CCNB1IP1: variants seen among roughly 807,000 people sequenced by gnomAD.
CCNB1IP1 encodes the protein E3 ubiquitin-protein ligase CCNB1IP1.
A neutral mutation model predicts 25.6 loss-of-function variants in CCNB1IP1; 14 were observed. The ratio of observed to expected loss-of-function variants is 0.55; its 90% CI spans 0.36 to 0.85. The LOEUF is 0.85. Among genes scored for constraint, CCNB1IP1 ranks in the 40% least tolerant of loss-of-function variants. The probability of loss-of-function intolerance (pLI) is 0.01; values close to 1 mark genes in which losing one functional copy is unlikely to be tolerated. For synonymous variants in CCNB1IP1, 119 were observed against 116.1 expected, an observed-to-expected ratio of 1.02 and a Z score of -0.16; for missense variants, 278 against 342.4, an observed-to-expected ratio of 0.81 and a Z score of 1.48.
intron 3 of CCNB1IP1, among the ~76,000 whole-genome samples, chr14:20,325,895 C>T (rs200380661): frequency 1.6e-4 from 24 of 152,160 alleles, no homozygotes; most frequent in Admixed American, 1.4e-3. Context: ...GAACCCAATT[C>T]TAGAGAAAAT....
intron 4 of CCNB1IP1, among the ~76,000 whole-genome samples, chr14:20,317,257 T>G (rs1425762574): frequency 6.6e-6 from 1 of 151,706 alleles, no homozygotes; most frequent in Non-Finnish European, 1.5e-5. Flanking sequence ...ATACAAAAAA[T>G]TAGCTGGGTG....
intron 6 of CCNB1IP1, among the ~76,000 whole-genome samples, chr14:20,312,961 T>C (rs1018703097): frequency 6.6e-6 from 1 of 151,924 alleles, no homozygotes; most frequent in Non-Finnish European, 1.5e-5. Flanking sequence ...GTGAAAAAAA[T>C]TGAAACATGG....
At chr14:20,324,789 T>C (rs1010842926) in intron 4 of CCNB1IP1, among the ~76,000 whole-genome samples, 3 of 152,134 alleles carry the variant, frequency 2.0e-5, no homozygotes, top group East Asian at 3.9e-4. Context: ...AGAACCCATA[T>C]ATATACTATA....
intron 4 of CCNB1IP1, among the ~76,000 whole-genome samples, chr14:20,319,716 T>A (rs1418608152): frequency 1.3e-5 from 2 of 152,242 alleles, no homozygotes; most frequent in African/African-American, 2.4e-5. Flanking sequence ...GAACATTCTG[T>A]ACATGTCTCC....
chr14:20,324,878 T>C (rs1723370346), intron 4 of CCNB1IP1, among the ~76,000 whole-genome samples: 1 of 152,032 alleles, frequency 6.6e-6, no homozygotes, highest in Non-Finnish European at 1.5e-5. Flanking sequence ...TGGAGTATAG[T>C]TGCGCTCTCT....
chr14:20,317,105 T>C (rs1196711877), intron 4 of CCNB1IP1, among the ~76,000 whole-genome samples: 1 of 151,208 alleles, frequency 6.6e-6, no homozygotes, highest in Non-Finnish European at 1.5e-5. Context: ...CAAGAATCTC[T>C]CTCATAACAT....
intron 2 of CCNB1IP1, among the ~76,000 whole-genome samples, chr14:20,328,626 C>T (rs916074048): frequency 3.9e-5 from 6 of 152,020 alleles, no homozygotes; most frequent in Non-Finnish European, 8.8e-5. Context: ...TCTAAGTATT[C>T]TTACAGGATA....
chr14:20,328,608 C>A (rs1200970845), intron 2 of CCNB1IP1, among the ~76,000 whole-genome samples: 2 of 151,222 alleles, frequency 1.3e-5, no homozygotes, highest in African/African-American at 2.4e-5. Flanking sequence ...AAAAAAAAAA[C>A]TACTTGATCT....
chr14:20,325,869 T>C (rs1172595552), intron 3 of CCNB1IP1, among the ~76,000 whole-genome samples: 2 of 151,990 alleles, frequency 1.3e-5, no homozygotes, highest in African/African-American at 4.8e-5. Context: ...TTTATAATAA[T>C]AAAAGATTAC....
chr14:20,319,914 T>C (rs1409886159), intron 4 of CCNB1IP1, among the ~76,000 whole-genome samples: 1 of 152,238 alleles, frequency 6.6e-6, no homozygotes, highest in African/African-American at 2.4e-5. Flanking sequence ...CATGTCAAGT[T>C]GTTTTACTTT....
At chr14:20,328,200 A>T (rs1448864283) in intron 2 of CCNB1IP1, among the ~76,000 whole-genome samples, 8 of 152,192 alleles carry the variant, frequency 5.3e-5, no homozygotes. Flanking sequence ...AAATTTCCTA[A>T]GGTCACCTAA....
At chr14:20,314,867 G>A (rs532523206) in intron 5 of CCNB1IP1, among the ~76,000 whole-genome samples, 3 of 151,728 alleles carry the variant, frequency 2.0e-5, no homozygotes, top group Non-Finnish European at 4.4e-5. Flanking sequence ...AGAGGTGGGC[G>A]GATCATGAGG....
At position 20,316,086 on chromosome 14, in the gene CCNB1IP1, T is replaced by C. The variant is rs114355577; in HGVS notation, c.297+141A>G. On this transcript the variant is annotated intron_variant, in intron 5 of 6. Transcript: ENST00000358932. ...TTTTGATTTTCAACAATAAACAGTA[T>C]TGCTTTTGAAAACAATTTAATAAAA... 6.8e-6 allele frequency: 5 copies of C among 734,906 alleles called. No individual in the cohort carries two copies. The African/African-American group carries it at 8.8e-5, about 13-fold the overall frequency. The allele number at this position is 734,906 out of a possible 1,614,324, so 45.5% of individuals were successfully genotyped here.
Position 20,313,658 on chromosome 14 carries a change from C to T in CCNB1IP1, c.441G>A (p.Lys147=). Residue 147 remains lysine, a synonymous_variant, in exon 6 of 7, where the codon AAG becomes AAA. Coordinates refer to ENST00000358932, the MANE Select transcript of CCNB1IP1 (RefSeq NM_021178.5). ...TTTTCTTGTATTCTTCTAGTACTTT[C>T]TTCATGGAGGTAACCTCCCCTTTCA... The part of the protein sequence containing the change: ...TSMKGEVTSM[K]KVLEEYKKKF... 6.2e-7 allele frequency: 1 copy of T among 1,614,158 alleles called. No individual in the cohort carries two copies. Among genetic ancestry groups the T allele is most frequent in the Middle Eastern group, 1.6e-4 (1 of 6,062 alleles).
rs769470861 is a variant in CCNB1IP1, at chr14:20,316,314, C to T, written c.210G>A (p.Glu70=). Residue 70 remains glutamate, a synonymous_variant, in exon 5 of 7, where the codon GAG becomes GAA. Coordinates refer to ENST00000358932, the MANE Select transcript of CCNB1IP1 (RefSeq NM_021178.5). ...DIVRTELSPS[E]EYKAMVLAGL... ...CTGCCAATACCATAGCTTTATATTC[C>T]TCTGATGGACTGAGTTCTGTGCGGA... The T allele has an allele frequency of 9.3e-6, 15 of 1,613,832 alleles. No homozygotes were observed. The Admixed American group carries it at 2.5e-4, about 27-fold the overall frequency.
At chr14:20,328,719 T>C (rs8022565) in intron 2 of CCNB1IP1, among the ~76,000 whole-genome samples, 48,363 of 152,084 alleles carry the variant, frequency 0.32, 8,549 homozygotes, top group African/African-American at 0.48. Context: ...CTGGTCTTTT[T>C]GTTTTGACAC....
intron 6 of CCNB1IP1, among the ~76,000 whole-genome samples, chr14:20,312,949 A>G (rs866924932): frequency 6.6e-6 from 1 of 152,220 alleles, no homozygotes; most frequent in African/African-American, 2.4e-5. Flanking sequence ...CAGTATTGGC[A>G]GGTGAAAAAA....
In CCNB1IP1 at chr14:20,316,291, G is replaced by C; in HGVS notation, c.233C>G (p.Ala78Gly). 6.2e-7 allele frequency: 1 copy of C among 1,613,952 alleles called. No individual in the cohort carries two copies. Among genetic ancestry groups the C allele is most frequent in the Non-Finnish European group, 8.5e-7 (1 of 1,179,848 alleles). The stretch of plus-strand genomic sequence containing the variant: ...CAACACGATCTCTGGTCGCAGTCCT[G>C]CCAATACCATAGCTTTATATTCCTC... ...PSEEYKAMVL[A>G]GLRPEIVLDI... Residue 78 changes from alanine (A) to glycine (G), a missense_variant, in exon 5 of 7, where the codon GCA (alanine) becomes GGA (glycine). Ala to Gly is a moderately conservative substitution (Grantham distance 60). Coordinates refer to ENST00000358932, the MANE Select transcript of CCNB1IP1 (RefSeq NM_021178.5).
rs1318985378 is a variant in CCNB1IP1, at chr14:20,311,521, G to A, written c.*29C>T. ...CAGCCTCAACCTCCTAAGTAGCTGG[G>A]ATCACAGGTGCGTGACACTATGCGT... On this transcript the variant is annotated 3_prime_UTR_variant, in exon 7 of 7. Transcript: ENST00000358932. The A allele has an allele frequency of 6.3e-7, 1 of 1,592,874 alleles. No individual in the cohort carries two copies. The highest frequency in any genetic ancestry group is 1.7e-5 in the Admixed American group (1 of 59,940).
Sources: allele counts gnomAD v4.1 joint callset (sites outside exome capture counted in the v4.1 genomes callset), GRCh38; gene constraint gnomAD v4.1.1; transcripts MANE v1.5; gene names NCBI Gene and HGNC (gene_info 2026-07-23, HGNC 2026-07-21).